The following CADM2 variants were observed in gnomAD, a reference collection of about 807,000 sequenced individuals.
The protein encoded by CADM2 is cell adhesion molecule 2.
In CADM2, 12 loss-of-function variants were observed where a neutral mutation model predicts 49.8. The observed-to-expected ratio is 0.24, with a 90% CI of 0.15 to 0.39. The LOEUF is 0.39. CADM2 is among the 10% of genes least tolerant of loss of function. The pLI is 1.00. For synonymous variants in CADM2, 214 were observed against 175.4 expected (o/e 1.22, Z -1.74); for missense variants, 378 against 492.3 (o/e 0.77, Z 2.20).
At chr3:85,491,691 C>T (rs1306206394) in intron 1 of CADM2, among the ~76,000 whole-genome samples, 1 of 152,088 alleles carries the variant, frequency 6.6e-6, no homozygotes, top group Non-Finnish European at 1.5e-5. Context: ...GTGGCTCACA[C>T]CTGTAATCCC....
intron 1 of CADM2, among the ~76,000 whole-genome samples, chr3:85,338,363 A>G (rs1252579191): frequency 2.6e-5 from 4 of 151,542 alleles, no homozygotes; most frequent in Non-Finnish European, 5.9e-5. Flanking sequence ...GTCTAGATGG[A>G]TTTCTAAGAG....
chr3:85,743,973 C>T, intron 2 of CADM2, among the ~76,000 whole-genome samples: 1 of 151,934 alleles, frequency 6.6e-6, no homozygotes, highest in East Asian at 1.9e-4. Context: ...ATGGTGTATA[C>T]AAATAACAAA....
chr3:85,898,930 T>G (rs1577602352), intron 5 of CADM2, among the ~76,000 whole-genome samples: 2 of 97,122 alleles, frequency 2.1e-5, no homozygotes, highest in African/African-American at 4.6e-5. Context: ...TCCAATTCAT[T>G]TATTGTGTAT....
chr3:85,702,028 T>C (rs1323758307), intron 1 of CADM2, among the ~76,000 whole-genome samples: 1 of 152,040 alleles, frequency 6.6e-6, no homozygotes, highest in African/African-American at 2.4e-5. Context: ...AGTTGATAGA[T>C]AGATAGATAG....
intron 1 of CADM2, among the ~76,000 whole-genome samples, chr3:85,348,092 CAA>C (rs1447368275): frequency 6.6e-6 from 1 of 152,052 alleles, no homozygotes; most frequent in African/African-American, 2.4e-5. Flanking sequence ...CAGTATCTCC[CAA>C]GACTTTTATT....
intron 1 of CADM2, among the ~76,000 whole-genome samples, chr3:85,404,103 A>G (rs1427482408): frequency 6.6e-6 from 1 of 152,186 alleles, no homozygotes; most frequent in African/African-American, 2.4e-5. Context: ...ATTGCACCTT[A>G]TCTCATTGTG....
chr3:85,597,313 C>A (rs2063272960), intron 1 of CADM2, among the ~76,000 whole-genome samples: 1 of 152,048 alleles, frequency 6.6e-6, no homozygotes, highest in Admixed American at 6.6e-5. Context: ...GTCTTCTTAG[C>A]ACTACAGTCA....
chr3:85,442,225 G>A (rs1268589301), intron 1 of CADM2, among the ~76,000 whole-genome samples: 1 of 151,970 alleles, frequency 6.6e-6, no homozygotes, highest in Non-Finnish European at 1.5e-5. Context: ...TAATAGTGAT[G>A]TTCTTTCCTT....
intron 1 of CADM2, among the ~76,000 whole-genome samples, chr3:85,294,434 A>C (rs1036544074): frequency 6.6e-6 from 1 of 151,886 alleles, no homozygotes; most frequent in African/African-American, 2.4e-5. Context: ...AATTGGAAAA[A>C]ACTACTTTAA....
At chr3:85,334,369 A>G (rs1576366949) in intron 1 of CADM2, among the ~76,000 whole-genome samples, 1 of 151,624 alleles carries the variant, frequency 6.6e-6, no homozygotes, top group Admixed American at 6.6e-5. Context: ...GAATAATTTA[A>G]GTTGACTTCA....
At chr3:86,065,856 C>T in intron 9 of CADM2, 126 bp downstream of exon 9, 1 of 886,260 alleles carries the variant, frequency 1.1e-6, no homozygotes, top group Non-Finnish European at 1.6e-6. Context: ...GAGAGAAATG[C>T]TAAATTATTT....
chr3:85,362,493 G>T (rs2032431306), intron 1 of CADM2, among the ~76,000 whole-genome samples: 1 of 152,162 alleles, frequency 6.6e-6, no homozygotes, highest in Non-Finnish European at 1.5e-5. Flanking sequence ...AAACACATCT[G>T]TAGGTCATTT....
At chr3:85,449,751 A>T (rs1454890294) in intron 1 of CADM2, among the ~76,000 whole-genome samples, 1 of 152,198 alleles carries the variant, frequency 6.6e-6, no homozygotes, top group African/African-American at 2.4e-5. Flanking sequence ...AGGGTTAAGG[A>T]AACTTTAGAC....
intron 1 of CADM2, among the ~76,000 whole-genome samples, chr3:85,647,610 T>G (rs894744028): frequency 5.3e-5 from 8 of 151,820 alleles, no homozygotes; most frequent in Non-Finnish European, 1.0e-4. Context: ...AAATGATGCT[T>G]TTTTAAAATT....
chr3:85,616,581 A>G (rs987026166), intron 1 of CADM2, among the ~76,000 whole-genome samples: 3 of 152,146 alleles, frequency 2.0e-5, no homozygotes, highest in Non-Finnish European at 2.9e-5. Context: ...ACAAAGTATA[A>G]CATATAATAA....
At chr3:85,395,946 TTTATA>T (rs1425233935) in intron 1 of CADM2, among the ~76,000 whole-genome samples, 2 of 148,512 alleles carry the variant, frequency 1.3e-5, no homozygotes, top group Admixed American at 6.7e-5. Flanking sequence ...AATATTATAA[TTTATA>T]TTATATTTAA....
At chr3:85,264,718 C>T (rs2043085016) in intron 1 of CADM2, among the ~76,000 whole-genome samples, 2 of 151,916 alleles carry the variant, frequency 1.3e-5, no homozygotes, top group South Asian at 4.1e-4. Context: ...TCATATATAA[C>T]TATGGAACAT....
At chr3:85,800,929 G>C (rs545402979) in intron 2 of CADM2, 3 of 152,302 alleles carry the variant, frequency 2.0e-5, no homozygotes, top group Admixed American at 6.5e-5. Flanking sequence ...GGTGCTTGTA[G>C]TAATTATTGA....
At chr3:85,198,897 T>G (rs958955419) in intron 1 of CADM2, among the ~76,000 whole-genome samples, 2 of 152,040 alleles carry the variant, frequency 1.3e-5, no homozygotes, top group East Asian at 3.9e-4. Context: ...CTTAAATGTA[T>G]TCAGTCTCTT....
Sources: allele counts gnomAD v4.1 joint callset (sites outside exome capture counted in the v4.1 genomes callset), GRCh38; gene constraint gnomAD v4.1.1; transcripts MANE v1.5; gene names NCBI Gene and HGNC (gene_info 2026-07-23, HGNC 2026-07-21).